PCSK5: variants seen among roughly 807,000 people sequenced by gnomAD.
PCSK5 encodes prohormone convertase 5.
A neutral mutation model predicts 233.2 loss-of-function variants in PCSK5; 129 were observed. The ratio of observed to expected loss-of-function variants is 0.55; its 90% CI spans 0.48 to 0.64. The LOEUF (loss-of-function observed/expected upper bound fraction) is 0.64. Ranked by LOEUF, PCSK5 falls within the 30% of genes least tolerant of loss-of-function variation. The pLI, the probability that PCSK5 is intolerant of heterozygous loss-of-function variation, is 0.00. For missense variants in PCSK5, 2,076 were observed against 2,430.1 expected (o/e 0.85, Z 3.06); for synonymous variants, 825 against 879.2 (o/e 0.94, Z 1.09).
At chr9:76,046,870 C>T (rs1437926187) in intron 5 of PCSK5, among the ~76,000 whole-genome samples, 2 of 152,016 alleles carry the variant, frequency 1.3e-5, no homozygotes, top group East Asian at 3.9e-4. Flanking sequence ...AACTGTAGTT[C>T]TTAAGTATTG....
chr9:76,051,867 G>A (rs968380677), intron 5 of PCSK5, among the ~76,000 whole-genome samples: 5 of 152,178 alleles, frequency 3.3e-5, no homozygotes, highest in African/African-American at 1.2e-4. Flanking sequence ...GTGGATCTAA[G>A]TCTCAGAAGA....
Position 76,238,971 on chromosome 9 carries a change from G to C in PCSK5, c.2879G>C (p.Arg960Pro). ...CTSCGADNYG[R>P]EHFLYQGECG... ...TGTAACTGATCAGACAACTATGGCC[G>C]AGAGCACTTCCTGTACCAGGGAGAG... Residue 960 changes from arginine to proline, a missense_variant, in exon 23 of 38, where the codon CGA becomes CCA. Around this residue, in one of 6 missense-constraint regions of PCSK5, gnomAD observed 1,510 missense variants for 1,538.1 expected, o/e 0.98. Transcript: ENST00000674117. The C allele has an allele frequency of 6.2e-7, 1 of 1,611,834 alleles. No homozygotes were observed. The highest frequency in any genetic ancestry group is 1.7e-4 in the Middle Eastern group (1 of 6,060).
chr9:76,322,361 A>G (rs1172451218), intron 31 of PCSK5, among the ~76,000 whole-genome samples: 1 of 152,240 alleles, frequency 6.6e-6, no homozygotes, highest in East Asian at 1.9e-4. Flanking sequence ...AGTTCGGGCA[A>G]CTATGACTGA....
At chr9:75,933,746 T>A (rs896843715) in intron 2 of PCSK5, among the ~76,000 whole-genome samples, 1 of 152,208 alleles carries the variant, frequency 6.6e-6, no homozygotes, top group African/African-American at 2.4e-5. Context: ...ACACATTTTT[T>A]CCTTTGTCAC....
intron 3 of PCSK5, among the ~76,000 whole-genome samples, chr9:75,994,511 G>A (rs750788534): frequency 7.3e-6 from 1 of 136,308 alleles, no homozygotes; most frequent in Non-Finnish European, 1.5e-5. Flanking sequence ...TGCAACCTCC[G>A]CCTCCTGGGT....
intron 9 of PCSK5, among the ~76,000 whole-genome samples, chr9:76,117,386 T>A (rs1163952331): frequency 6.6e-6 from 1 of 152,010 alleles, no homozygotes; most frequent in African/African-American, 2.4e-5. Flanking sequence ...GAGGGATTGA[T>A]GGTAGGGTAA....
intron 3 of PCSK5, among the ~76,000 whole-genome samples, chr9:76,004,967 A>G (rs1471406321): frequency 6.6e-6 from 1 of 152,244 alleles, no homozygotes; most frequent in Non-Finnish European, 1.5e-5. Context: ...CTTTTTCAGC[A>G]GACAGAGCTA....
chr9:76,290,381 C>A (rs949678329), intron 24 of PCSK5, among the ~76,000 whole-genome samples: 19 of 152,284 alleles, frequency 1.2e-4, no homozygotes, highest in African/African-American at 4.1e-4. Flanking sequence ...CCTAATTAGC[C>A]TGGTTTTTGG....
At chr9:76,169,973 C>T in intron 13 of PCSK5, 133 bp downstream of exon 13, 1 of 689,550 alleles carries the variant, frequency 1.5e-6, no homozygotes, top group Non-Finnish European at 2.5e-6. Context: ...CTTTGAATTA[C>T]CTGCATGTAT....
In PCSK5 at chr9:76,358,941, A is replaced by C. The variant is rs749026713; in HGVS notation, c.*19A>C. 7.5e-6 allele frequency: 12 copies of C among 1,603,612 alleles called. No homozygotes were observed. The highest frequency in any genetic ancestry group is 4.5e-5 in the East Asian group (2 of 44,778). ...CCAGTAAACAGGCACTCCCCCACCA[A>C]CACCACCATTCCACTCTCAGGCATG... On this transcript the variant is annotated 3_prime_UTR_variant, in exon 38 of 38. Transcript: ENST00000674117.
chr9:76,124,629 C>T lies in PCSK5; in HGVS notation c.1209-9480C>T, dbSNP rs188195806. Among the ~76,000 whole-genome samples, 403 of 151,708 alleles carry T rather than the reference C, an allele frequency of 2.7e-3. 1 individual carries two copies. The highest frequency in any genetic ancestry group is 0.017 in the Middle Eastern group (5 of 294). ...GCATGGTGGTGTGGGCCTGTAGAAC[C>T]CAGCTACTCGGGAGGCTGAGGCAGG... On this transcript the variant is annotated intron_variant, in intron 9 of 37. Coordinates refer to ENST00000674117, the MANE Select transcript of PCSK5 (RefSeq NM_001372043.1).
chr9:76,310,991 G>T, intron 30 of PCSK5, 140 bp downstream of exon 30: 2 of 591,100 alleles, frequency 3.4e-6, no homozygotes, highest in Non-Finnish European at 5.7e-6. Flanking sequence ...ACTGACATGG[G>T]TGTGCGCCAC....
chr9:76,134,158 C>T lies in PCSK5; in HGVS notation c.1258C>T (p.Arg420Cys), dbSNP rs1354232026. Residue 420 changes from arginine (R) to cysteine (C), a missense_variant, in exon 10 of 38, where the codon CGT becomes TGT. Coordinates refer to ENST00000674117, the MANE Select transcript of PCSK5 (RefSeq NM_001372043.1). ...ACAGCATGTTATTGTCAGGACTTCC[C>T]GTGCGGGACATTTGAACGCTAATGA... ...DVQHVIVRTS[R>C]AGHLNANDWK... 2.5e-6 allele frequency: 4 copies of T among 1,610,122 alleles called. No individual in the cohort carries two copies. Among genetic ancestry groups the T allele is most frequent in the Non-Finnish European group, 3.4e-6 (4 of 1,178,236 alleles).
intron 24 of PCSK5, among the ~76,000 whole-genome samples, chr9:76,254,624 G>A (rs1169595397): frequency 6.6e-6 from 1 of 152,156 alleles, no homozygotes; most frequent in African/African-American, 2.4e-5. Flanking sequence ...CCCTTCTTTA[G>A]TGTCATTTTT....
chr9:76,165,541 C>G (rs1311135630), intron 12 of PCSK5, among the ~76,000 whole-genome samples: 4 of 152,154 alleles, frequency 2.6e-5, no homozygotes, highest in Non-Finnish European at 5.9e-5. Flanking sequence ...TCTTTTCTAC[C>G]AGGCTTCATC....
At chr9:76,263,339 T>C (rs891282678) in intron 24 of PCSK5, among the ~76,000 whole-genome samples, 1 of 152,184 alleles carries the variant, frequency 6.6e-6, no homozygotes, top group African/African-American at 2.4e-5. Context: ...GTATGTTTAT[T>C]GCGGCTCTAT....
At chr9:76,004,584 T>C (rs1030233934) in intron 3 of PCSK5, among the ~76,000 whole-genome samples, 1 of 152,212 alleles carries the variant, frequency 6.6e-6, no homozygotes, top group Admixed American at 6.5e-5. Flanking sequence ...CATCAGTGCT[T>C]GCGAGGTGTT....
intron 7 of PCSK5, among the ~76,000 whole-genome samples, chr9:76,089,187 T>C (rs531746847): frequency 2.0e-5 from 3 of 152,098 alleles, no homozygotes; most frequent in Admixed American, 6.6e-5. Flanking sequence ...GGAATAACCA[T>C]GGCATAAAGA....
intron 24 of PCSK5, among the ~76,000 whole-genome samples, chr9:76,257,466 A>G (rs1827021949): frequency 8.5e-5 from 13 of 152,164 alleles, no homozygotes; most frequent in Admixed American, 8.5e-4. Context: ...CTGCACCTCT[A>G]GAGCCTGAAA....
Sources: allele counts gnomAD v4.1 joint callset (sites outside exome capture counted in the v4.1 genomes callset), GRCh38; gene constraint gnomAD v4.1.1; regional missense constraint gnomAD v4.1.1; transcripts MANE v1.5; gene names NCBI Gene and HGNC (gene_info 2026-07-23, HGNC 2026-07-21).